The following BIRC6 variants were observed in gnomAD, a reference collection of about 807,000 sequenced individuals.
The protein encoded by BIRC6 is baculoviral IAP repeat containing 6.
BIRC6 carries 98 observed loss-of-function variants against 503.3 expected under a neutral mutation model. The ratio of observed to expected loss-of-function variants is 0.19; its 90% CI spans 0.17 to 0.23. The LOEUF (loss-of-function observed/expected upper bound fraction) is 0.23, where lower values mean the gene tolerates loss of function less well. Ranked by LOEUF, BIRC6 falls within the 10% of genes least tolerant of loss-of-function variation. The pLI is 1.00. For synonymous variants in BIRC6, 2,240 were observed against 2,078.7 expected, an observed-to-expected ratio of 1.08 and a Z score of -2.11; for missense variants, 5,360 against 5,806.0, an observed-to-expected ratio of 0.92 and a Z score of 2.50.
rs2058279860 is a variant in BIRC6, at chr2:32,549,328, A to G, written c.12991A>G (p.Ile4331Val). The part of the protein sequence containing the change: ...TCLLQVLASY[I>V]NPVSSAVNGE... ...CAATTTTTAGGTTCTTGCCAGTTAC[A>G]TAAATCCCGTCAGTAGTGCGGTAAA... Residue 4331 changes from isoleucine (I) to valine (V), a missense_variant, in exon 65 of 74, where the codon ATA becomes GTA. Around this residue, in one of 16 missense-constraint regions of BIRC6, gnomAD observed 477 missense variants for 574.4 expected, o/e 0.83. Transcript: ENST00000421745. The G allele has an allele frequency of 6.9e-7, 1 of 1,459,644 alleles. No individual in the cohort carries two copies. Among genetic ancestry groups the G allele is most frequent in the Non-Finnish European group, 9.2e-7 (1 of 1,086,254 alleles). The allele number at this position is 1,459,644 out of a possible 1,614,324, so 90.4% of individuals were successfully genotyped here.
intron 68 of BIRC6, 35 bp downstream of exon 68, chr2:32,595,179 C>T (rs550641308): frequency 7.3e-7 from 1 of 1,366,438 alleles, no homozygotes. Flanking sequence ...TAAGATCTCA[C>T]TTTCCATTTT....
chr2:32,362,335 AGACAGAGTCTC>A (rs2034232647), intron 1 of BIRC6, among the ~76,000 whole-genome samples: 1 of 127,518 alleles, frequency 7.8e-6, no homozygotes, highest in Non-Finnish European at 1.6e-5. Flanking sequence ...TTTTTTTTTG[AGACAGAGTCTC>A]GCTCTGTCGC....
At chr2:32,486,258 G>A (rs149124816) in intron 40 of BIRC6, among the ~76,000 whole-genome samples, 241 of 152,214 alleles carry the variant, frequency 1.6e-3, no homozygotes, top group African/African-American at 5.4e-3. Flanking sequence ...CAACTTTTTC[G>A]TAAAGGACTA....
chr2:32,430,740 A>G (rs2044000725), intron 11 of BIRC6, 125 bp from the exon 12 acceptor site: 1 of 682,928 alleles, frequency 1.5e-6, no homozygotes, highest in African/African-American at 1.8e-5. Flanking sequence ...ATTAACTTTC[A>G]GAATATTTGG....
intron 23 of BIRC6, among the ~76,000 whole-genome samples, chr2:32,454,479 A>T (rs941189310): frequency 2.0e-5 from 3 of 150,384 alleles, no homozygotes; most frequent in African/African-American, 4.9e-5. Flanking sequence ...GTTTTCTGTG[A>T]TTTTTTTTTT....
At chr2:32,510,105 T>G in intron 52 of BIRC6, 111 bp downstream of exon 52, 1 of 1,269,036 alleles carries the variant, frequency 7.9e-7, no homozygotes, top group Non-Finnish European at 1.1e-6. Context: ...TTCTTTTAGT[T>G]TATGTTTATC....
rs1436446138 is a variant in BIRC6 at position 32,442,443 on chromosome 2, C to T, written c.4226C>T (p.Ala1409Val). ...GCCCATAAGTGTGCCCGATTTCTAG[C>T]CTTGTGCATTAGGTTGGTATGTTTT... ...SIAHKCARFL[A>V]LCISNGKCDP... Residue 1409 changes from alanine (A) to valine (V), a missense_variant, in exon 19 of 74, where the codon GCC (alanine) becomes GTC (valine). By Grantham distance (64) the Ala-to-Val change is moderately conservative. Transcript: ENST00000421745. 1 of 1,605,186 alleles carries T rather than the reference C, an allele frequency of 6.2e-7. No homozygotes were observed. The highest frequency in any genetic ancestry group is 8.5e-7 in the Non-Finnish European group (1 of 1,175,726).
intron 55 of BIRC6, among the ~76,000 whole-genome samples, chr2:32,517,903 A>G (rs1369897149): frequency 2.0e-5 from 3 of 152,086 alleles, no homozygotes; most frequent in African/African-American, 4.8e-5. Context: ...GCTTTTTCTC[A>G]TAATTTTTAT....
chr2:32,543,263 C>G lies in BIRC6; in HGVS notation c.12314C>G (p.Ser4105Cys), dbSNP rs780030281. 3.8e-5 allele frequency: 61 copies of G among 1,613,852 alleles called. No homozygotes were observed. The highest frequency in any genetic ancestry group is 5.1e-5 in the Non-Finnish European group (60 of 1,179,868). Residue 4105 changes from serine to cysteine, a missense_variant, in exon 62 of 74, where the codon TCT becomes TGT. Physicochemically the swap from Ser to Cys is moderately radical, Grantham distance 112 (BLOSUM62 -1). Around this residue, in one of 16 missense-constraint regions of BIRC6, gnomAD observed 878 missense variants for 928.9 expected, o/e 0.95. Transcript: ENST00000421745. ...IQQVSAPVVT[S>C]TTQEKPKDSD... ...TAGGTGAGTGCTCCAGTTGTAACAT[C>G]TACCACTCAGGAAAAGCCGAAGGAT...
At chr2:32,375,912 G>T (rs921990542) in intron 1 of BIRC6, among the ~76,000 whole-genome samples, 1 of 152,110 alleles carries the variant, frequency 6.6e-6, no homozygotes, top group Non-Finnish European at 1.5e-5. Flanking sequence ...ATGGCCGGGC[G>T]CAGTGGCTCA....
At position 32,499,825 on chromosome 2, in the gene BIRC6, A is replaced by G; in HGVS notation, c.8747A>G (p.Asp2916Gly). 6.2e-7 allele frequency: 1 copy of G among 1,614,028 alleles called. No homozygotes were observed. Among genetic ancestry groups the G allele is most frequent in the South Asian group, 1.1e-5 (1 of 91,084 alleles). The part of the protein sequence containing the change: ...AKAVCGEMTR[D>G]QLMFDLLKLV... The stretch of plus-strand genomic sequence containing the variant: ...GCAGTTTGTGGCGAAATGACAAGAG[A>G]TCAACTCATGTTTGATTTGTTAAAA... Residue 2916 changes from aspartate to glycine, a missense_variant, in exon 46 of 74, where the codon GAT becomes GGT. Coordinates refer to ENST00000421745, the MANE Select transcript of BIRC6 (RefSeq NM_016252.4).
Position 32,460,272 on chromosome 2 carries a change from A to ATT in BIRC6, c.4754-2898_4754-2897dup, listed in dbSNP as rs70938346. 4.0e-3 allele frequency among the ~76,000 whole-genome samples: 75 copies of ATT among 18,826 alleles called. 15 individuals are homozygous for ATT. The highest frequency in any genetic ancestry group is 7.3e-3 in the South Asian group (2 of 274). 12.4% of individuals were successfully genotyped at this position (18,826 alleles called of 152,430 possible). On this transcript the variant is annotated intron_variant, in intron 23 of 73. Coordinates refer to ENST00000421745, the MANE Select transcript of BIRC6 (RefSeq NM_016252.4). ...TATATATATATATATATATATATAT[A>ATT]TTTTTTTTTTTTTTTTTTTTTTTTT... is the stretch of plus-strand genomic sequence containing the variant.
intron 53 of BIRC6, 113 bp downstream of exon 53, chr2:32,510,747 T>C (rs2054302040): frequency 1.4e-6 from 1 of 712,472 alleles, no homozygotes; most frequent in African/African-American, 1.8e-5. Context: ...TACTGTGATA[T>C]ATTGTATGTT....
At chr2:32,462,545 G>T (rs1246161644) in intron 23 of BIRC6, among the ~76,000 whole-genome samples, 1 of 152,110 alleles carries the variant, frequency 6.6e-6, no homozygotes, top group African/African-American at 2.4e-5. Flanking sequence ...GTGAAGTGGG[G>T]TGTGTTGTTG....
chr2:32,479,734 T>A (rs1484830402), intron 37 of BIRC6, 117 bp downstream of exon 37: 1 of 870,076 alleles, frequency 1.1e-6, no homozygotes, highest in East Asian at 2.7e-5. Flanking sequence ...TTCTTTGGCC[T>A]TATAAACTAG....
At chr2:32,538,356 A>G (rs988770084) in intron 61 of BIRC6, among the ~76,000 whole-genome samples, 3 of 152,232 alleles carry the variant, frequency 2.0e-5, no homozygotes, top group Non-Finnish European at 4.4e-5. Context: ...GCTGTCTGTC[A>G]CCGAGAGGAT....
At position 32,422,028 on chromosome 2, in the gene BIRC6, G is replaced by A. The variant is rs547464356; in HGVS notation, c.2872+5865G>A. On this transcript the variant is annotated intron_variant, in intron 10 of 73. Transcript: ENST00000421745. The stretch of plus-strand genomic sequence containing the variant: ...TAGACTGTTTCATAATTGTTACATC[G>A]TTCTGATGTATTGGTTCTTTTGTCA... 5.9e-5 allele frequency among the ~76,000 whole-genome samples: 9 copies of A among 152,126 alleles called. No individual in the cohort carries two copies. The East Asian group carries it at 1.5e-3, about 26-fold the overall frequency.
intron 55 of BIRC6, among the ~76,000 whole-genome samples, chr2:32,516,548 T>C (rs2055063300): frequency 6.8e-6 from 1 of 147,564 alleles, no homozygotes; most frequent in Non-Finnish European, 1.5e-5. Context: ...GAAGATAATT[T>C]ATCATACTGC....
At chr2:32,491,199 A>C (rs191842204) in intron 43 of BIRC6, among the ~76,000 whole-genome samples, 13 of 152,346 alleles carry the variant, frequency 8.5e-5, no homozygotes, top group Non-Finnish European at 1.3e-4. Context: ...TAAGATGTAC[A>C]TTAAGCTCGA....
Sources: allele counts gnomAD v4.1 joint callset (sites outside exome capture counted in the v4.1 genomes callset), GRCh38; gene constraint gnomAD v4.1.1; regional missense constraint gnomAD v4.1.1; transcripts MANE v1.5; gene names NCBI Gene and HGNC (gene_info 2026-07-23, HGNC 2026-07-21).